The following NRP2 variants were observed in gnomAD, a reference collection of about 807,000 sequenced individuals.
The protein encoded by NRP2 is neuropilin 2.
NRP2 carries 52 observed loss-of-function variants against 110.4 expected under a neutral mutation model. That is an observed-to-expected ratio of 0.47 (90% CI 0.38 to 0.59). The LOEUF (loss-of-function observed/expected upper bound fraction) is 0.59. Ranked by LOEUF, NRP2 falls within the 20% of genes least tolerant of loss-of-function variation. The pLI is 0.00. For missense variants in NRP2, 1,049 were observed against 1,203.0 expected, an observed-to-expected ratio of 0.87 and a Z score of 1.89; for synonymous variants, 508 against 468.9, an observed-to-expected ratio of 1.08 and a Z score of -1.08.
intron 12 of NRP2, chr2:205,756,813 C>G (rs954014425): frequency 1.3e-5 from 2 of 152,180 alleles, no homozygotes; most frequent in Admixed American, 1.3e-4. Flanking sequence ...ATCTTTATAG[C>G]TGTCTCATTC....
chr2:205,727,902 C>T lies in NRP2; in HGVS notation c.1002C>T (p.Arg334=). Residue 334 remains arginine (R), a synonymous_variant, in exon 7 of 17, where the codon CGC becomes CGT. Coordinates refer to ENST00000357785, the MANE Select transcript of NRP2 (RefSeq NM_003872.3). ...CCTCTATTCCCCAGGTGGACCTGCG[C>T]TTTTTAACCATGCTCACGGCCATCG... The part of the protein sequence containing the change: ...SNKEYLQVDL[R]FLTMLTAIAT... 1.2e-6 allele frequency: 2 copies of T among 1,613,556 alleles called. No homozygotes were observed. The highest frequency in any genetic ancestry group is 1.7e-6 in the Non-Finnish European group (2 of 1,179,796).
rs7584060 is a variant in NRP2, at chr2:205,795,263, G to A, written c.*205G>A. Reference sequence around the variant, plus strand: ...GGGATGATTACCCTCCTAGGACCGCGGTGGCTAAGTCATTGCAGGAACGGG... The same window carrying A: ...GGGATGATTACCCTCCTAGGACCGCAGTGGCTAAGTCATTGCAGGAACGGG... On this transcript the variant is annotated 3_prime_UTR_variant, in exon 17 of 17. Transcript: ENST00000357785. The A allele has an allele frequency of 7.1e-5, 43 of 604,720 alleles. No individual in the cohort carries two copies. Among genetic ancestry groups the A allele is most frequent in the Admixed American group, 1.7e-4 (7 of 41,328 alleles). 37.5% of individuals were successfully genotyped at this position (604,720 alleles called of 1,614,324 possible).
chr2:205,775,472 C>T (rs73983261), intron 15 of NRP2, among the ~76,000 whole-genome samples: 1 of 152,298 alleles, frequency 6.6e-6, no homozygotes, highest in South Asian at 2.1e-4. Flanking sequence ...CACTCACTCT[C>T]GCTCTCACAT....
chr2:205,695,169 A>G (rs538233344), intron 1 of NRP2, among the ~76,000 whole-genome samples: 4 of 152,242 alleles, frequency 2.6e-5, no homozygotes, highest in East Asian at 1.9e-4. Flanking sequence ...TGATACTTCA[A>G]TAACTGCCCT....
chr2:205,696,829 G>A (rs1473218220), intron 1 of NRP2, among the ~76,000 whole-genome samples: 1 of 152,166 alleles, frequency 6.6e-6, no homozygotes, highest in African/African-American at 2.4e-5. Context: ...AAATTCCAAG[G>A]CTAGAGCCAG....
intron 11 of NRP2, among the ~76,000 whole-genome samples, chr2:205,751,344 A>G (rs1242565698): frequency 6.6e-6 from 1 of 151,882 alleles, no homozygotes; most frequent in Non-Finnish European, 1.5e-5. Context: ...TTTTTGCAAA[A>G]GTTTTTTTTG....
At chr2:205,687,950 T>C (rs1007603150) in intron 1 of NRP2, among the ~76,000 whole-genome samples, 4 of 152,212 alleles carry the variant, frequency 2.6e-5, no homozygotes, top group African/African-American at 9.6e-5. Context: ...CTGGTGTTTT[T>C]CATTTCACTC....
At chr2:205,759,232 G>A (rs111623666) in intron 12 of NRP2, among the ~76,000 whole-genome samples, 74 of 152,310 alleles carry the variant, frequency 4.9e-4, no homozygotes, top group Non-Finnish European at 8.7e-4. Flanking sequence ...CAAAGACTAC[G>A]AGTCTTAATT....
chr2:205,717,272 G>A (rs1347673057), intron 3 of NRP2, among the ~76,000 whole-genome samples: 1 of 152,042 alleles, frequency 6.6e-6, no homozygotes, highest in Non-Finnish European at 1.5e-5. Context: ...ATCTATGTGT[G>A]TGTCTCCCCT....
In NRP2 at chr2:205,752,949, C is replaced by T. The variant is rs749671267; in HGVS notation, c.2018C>T (p.Ser673Phe). ...KWLRTTWASS[S>F]SPNDRTFPDD... ...CTCCGGACCACCTGGGCCAGCAGCT[C>T]CAGCCCAAACGACCGGACGTTTCCA... The change falls in exon 12 of 17, where the codon TCC (serine) becomes TTC (phenylalanine). Residue 673 changes from serine (S) to phenylalanine (F), a missense_variant. Coordinates refer to ENST00000357785, the MANE Select transcript of NRP2 (RefSeq NM_003872.3). 1.9e-6 allele frequency: 3 copies of T among 1,613,914 alleles called. No individual in the cohort carries two copies. The South Asian group carries it at 3.3e-5, about 18-fold the overall frequency.
chr2:205,777,221 ATGGG>A, intron 15 of NRP2: 2 of 886,848 alleles, frequency 2.3e-6, no homozygotes, highest in Non-Finnish European at 2.7e-6. Context: ...TAGAGGCCAC[ATGGG>A]ATGCAGTGTG....
At chr2:205,781,810 A>C (rs1375005041) in intron 15 of NRP2, among the ~76,000 whole-genome samples, 1 of 152,240 alleles carries the variant, frequency 6.6e-6, no homozygotes, top group Admixed American at 6.5e-5. Flanking sequence ...TGATCTTACA[A>C]TCAGCAGGGA....
In NRP2 at chr2:205,775,522, C is replaced by A. The variant is rs181724115; in HGVS notation, c.2425+8719C>A. Among the ~76,000 whole-genome samples the A allele has an allele frequency of 2.6e-5, 4 of 152,276 alleles. No homozygotes were observed. The East Asian group carries it at 7.7e-4, about 29-fold the overall frequency. ...TGTGCCCACATTTTTTTTGTTGCAACTTCCCTTCCAATCTGCTTTTAAAAA... is the reference window on the plus strand; with the variant it reads ...TGTGCCCACATTTTTTTTGTTGCAAATTCCCTTCCAATCTGCTTTTAAAAA... On this transcript the variant is annotated intron_variant, in intron 15 of 16. Coordinates refer to ENST00000357785, the MANE Select transcript of NRP2 (RefSeq NM_003872.3).
chr2:205,723,668 C>A (rs2057065759), intron 4 of NRP2, 117 bp from the exon 5 acceptor site: 1 of 1,031,560 alleles, frequency 9.7e-7, no homozygotes, highest in Non-Finnish European at 1.5e-6. Flanking sequence ...GTTTTTATGG[C>A]AAGATGTACA....
In NRP2 at chr2:205,795,248, C is replaced by A; in HGVS notation, c.*190C>A. 1.5e-6 allele frequency: 1 copy of A among 668,104 alleles called. No homozygotes were observed. Among genetic ancestry groups the A allele is most frequent in the South Asian group, 1.7e-5 (1 of 57,866 alleles). The allele number at this position is 668,104 out of a possible 1,614,324, so 41.4% of individuals were successfully genotyped here. A position where few individuals can be genotyped will look rare whatever the true frequency, so the allele number is the denominator to read the frequency against. ...GATGCAGCCGCACAGGGGATGATTA[C>A]CCTCCTAGGACCGCGGTGGCTAAGT... On this transcript the variant is annotated 3_prime_UTR_variant, in exon 17 of 17. Coordinates refer to ENST00000357785, the MANE Select transcript of NRP2 (RefSeq NM_003872.3).
chr2:205,787,471 C>G (rs2058247499), intron 15 of NRP2, among the ~76,000 whole-genome samples: 1 of 152,146 alleles, frequency 6.6e-6, no homozygotes, highest in African/African-American at 2.4e-5. Flanking sequence ...CCAAAAGTAA[C>G]CAGTGGTTTG....
At position 205,743,315 on chromosome 2, in the gene NRP2, T is replaced by C. The variant is rs849568; in HGVS notation, c.1404T>C (p.Val468=). ...YLWSPSAARL[V]SSRSGWFPRI... is the part of the protein sequence containing the mutation. ...GGAGCCCCAGTGCAGCCCGCCTGGTTAGCAGCCGCTCGGGCTGGTTCCCTC... is the reference window on the plus strand; with the variant it reads ...GGAGCCCCAGTGCAGCCCGCCTGGTCAGCAGCCGCTCGGGCTGGTTCCCTC... Residue 468 remains valine (V), a synonymous_variant, in exon 9 of 17, where the codon GTT becomes GTC. Coordinates refer to ENST00000357785, the MANE Select transcript of NRP2 (RefSeq NM_003872.3). 0.98 allele frequency: 1,576,839 copies of C among 1,614,196 alleles called. 770,400 individuals carry two copies. The highest frequency in any genetic ancestry group is 1 in the East Asian group (44,866 of 44,876).
rs148769922 is a variant in NRP2, at chr2:205,745,841, G to A, written c.1737G>A (p.Ser579=). 2.3e-4 allele frequency: 374 copies of A among 1,614,134 alleles called. 1 individual carries two copies. The African/African-American group carries it at 4.0e-3, about 17-fold the overall frequency. The change falls in exon 10 of 17, where the codon TCG becomes TCA. Residue 579 remains serine, a synonymous_variant. Transcript: ENST00000357785. ...QYVRVYPERW[S]PAGIGMRLEV... is the part of the protein sequence containing the mutation. ...TGCGGGTATACCCGGAGAGGTGGTC[G>A]CCGGCGGGGATTGGGATGCGGCTGG...
At chr2:205,707,711 G>A (rs553303640) in intron 2 of NRP2, among the ~76,000 whole-genome samples, 14 of 152,182 alleles carry the variant, frequency 9.2e-5, no homozygotes, top group South Asian at 2.1e-4. Flanking sequence ...GTACACTTCC[G>A]TTCCCAGCAG....
Sources: allele counts gnomAD v4.1 joint callset (sites outside exome capture counted in the v4.1 genomes callset), GRCh38; gene constraint gnomAD v4.1.1; transcripts MANE v1.5; gene names NCBI Gene and HGNC (gene_info 2026-07-23, HGNC 2026-07-21).